The following SUCO variants were observed in gnomAD, a reference collection of about 807,000 sequenced individuals.
SUCO encodes the protein SUN domain containing ossification factor.
Under a neutral mutation model 148.1 loss-of-function variants are expected in SUCO, and 57 were observed. The ratio of observed to expected loss-of-function variants is 0.38; its 90% CI spans 0.31 to 0.48. The LOEUF is 0.48. Ranked by LOEUF, SUCO falls within the 20% of genes least tolerant of loss-of-function variation. SUCO has a pLI of 0.96. For synonymous variants in SUCO, 470 were observed against 502.7 expected (o/e 0.93, Z 0.87); for missense variants, 1,331 against 1,468.2 (o/e 0.91, Z 1.53).
intron 3 of SUCO, among the ~76,000 whole-genome samples, chr1:172,554,535 G>A (rs936441800): frequency 2.0e-5 from 3 of 152,024 alleles, no homozygotes; most frequent in African/African-American, 7.2e-5. Context: ...TCAGGAGTTC[G>A]AGACCAGCCT....
intron 3 of SUCO, among the ~76,000 whole-genome samples, chr1:172,555,623 G>A (rs1653685636): frequency 6.6e-6 from 1 of 152,166 alleles, no homozygotes; most frequent in African/African-American, 2.4e-5. Flanking sequence ...TAGGAAATAG[G>A]TAGGGAGAAA....
rs1276797755 is a variant in SUCO at position 172,611,385 on chromosome 1, G to T, written c.*1126G>T. The stretch of plus-strand genomic sequence containing the variant: ...TTTGAATAAAATGATTTCTTAGTAT[G>T]ATTGTACAGTAATGAATGAAAGTGG... On this transcript the variant is annotated 3_prime_UTR_variant, in exon 24 of 24. Transcript: ENST00000263688. The T allele has an allele frequency of 6.6e-6, 1 of 152,530 alleles. No homozygotes were observed. The highest frequency in any genetic ancestry group is 1.5e-5 in the Non-Finnish European group (1 of 68,020). 9.4% of individuals were successfully genotyped at this position (152,530 alleles called of 1,614,324 possible).
chr1:172,553,239 T>TTTG (rs766194690), intron 2 of SUCO, 21 bp from the exon 3 acceptor site: 2 of 1,537,250 alleles, frequency 1.3e-6, no homozygotes, highest in Non-Finnish European at 1.8e-6. Context: ...TCAGGTGATT[T>TTTG]TTGTTGTTGT....
chr1:172,596,924 G>A (rs913714383), intron 19 of SUCO, among the ~76,000 whole-genome samples: 4 of 152,212 alleles, frequency 2.6e-5, no homozygotes, highest in Non-Finnish European at 4.4e-5. Context: ...CTTGAGCTGC[G>A]CTGGGCTCCA....
chr1:172,590,809 A>T (rs1656598316), intron 18 of SUCO, among the ~76,000 whole-genome samples, 175 bp from the exon 19 acceptor site: 1 of 152,184 alleles, frequency 6.6e-6, no homozygotes, highest in Non-Finnish European at 1.5e-5. Context: ...GAACCACAGA[A>T]ATTACTAAAT....
intron 1 of SUCO, among the ~76,000 whole-genome samples, chr1:172,534,296 C>T (rs1418284790): frequency 2.0e-5 from 3 of 152,162 alleles, no homozygotes; most frequent in Non-Finnish European, 4.4e-5. Context: ...TGTCACCGTA[C>T]TTGGAAAAGC....
intron 18 of SUCO, 42 bp from the exon 19 acceptor site, chr1:172,590,942 G>A (rs1187081292): frequency 1.4e-6 from 2 of 1,398,974 alleles, no homozygotes; most frequent in African/African-American, 2.9e-5. Flanking sequence ...AGTGGAATAA[G>A]TAAGAAATTA....
At chr1:172,580,911 G>C (rs941929682) in intron 15 of SUCO, among the ~76,000 whole-genome samples, 1 of 152,106 alleles carries the variant, frequency 6.6e-6, no homozygotes, top group African/African-American at 2.4e-5. Context: ...AGACCAGCCT[G>C]GCCAACATGG....
At chr1:172,555,729 AT>A in intron 3 of SUCO, 139 bp from the exon 4 acceptor site, 1 of 701,720 alleles carries the variant, frequency 1.4e-6, no homozygotes, top group Non-Finnish European at 2.1e-6. Flanking sequence ...GGAAGAAAGG[AT>A]TTTTATAAAA....
At chr1:172,535,855 C>T (rs1370736645) in intron 1 of SUCO, among the ~76,000 whole-genome samples, 1 of 151,952 alleles carries the variant, frequency 6.6e-6, no homozygotes. Flanking sequence ...GATTATGTCT[C>T]CCCTCTGCTT....
chr1:172,598,323 A>G (rs1378921275), intron 19 of SUCO, among the ~76,000 whole-genome samples: 1 of 152,188 alleles, frequency 6.6e-6, no homozygotes, highest in Non-Finnish European at 1.5e-5. Context: ...TTAAGGTAAT[A>G]ACACAATGTT....
chr1:172,603,391 A>G (rs1381144339), intron 22 of SUCO, among the ~76,000 whole-genome samples: 2 of 152,086 alleles, frequency 1.3e-5, no homozygotes, highest in African/African-American at 4.8e-5. Context: ...TAACTAAATT[A>G]ATTACATATT....
At chr1:172,532,459 C>T (rs767897236), upstream of SUCO, 14 of 1,595,496 alleles carry the variant, frequency 8.8e-6, no homozygotes, top group African/African-American at 8.1e-5. Context: ...AGGTTTTCCG[C>T]TGCAACCAAT....
chr1:172,577,386 T>G (rs1465759572), intron 11 of SUCO, among the ~76,000 whole-genome samples, 153 bp from the exon 12 acceptor site: 1 of 151,766 alleles, frequency 6.6e-6, no homozygotes, highest in Non-Finnish European at 1.5e-5. Flanking sequence ...CTTTTATTTC[T>G]GCAAGGAATT....
At chr1:172,586,732 A>T (rs955255032) in intron 17 of SUCO, among the ~76,000 whole-genome samples, 4 of 152,172 alleles carry the variant, frequency 2.6e-5, no homozygotes, top group African/African-American at 9.6e-5. Context: ...GATAGTATGT[A>T]ATGAGACCTG....
chr1:172,588,933 C>T lies in SUCO; in HGVS notation c.1832C>T (p.Ser611Leu), dbSNP rs747520638. 6.2e-7 allele frequency: 1 copy of T among 1,611,950 alleles called. No homozygotes were observed. Among genetic ancestry groups the T allele is most frequent in the South Asian group, 1.1e-5 (1 of 90,724 alleles). ...GATGAATCATCACCCTGGTTTGAGTCAGAGACACAAATATTTTGCAGTGAA... is the reference window on the plus strand; with the variant it reads ...GATGAATCATCACCCTGGTTTGAGTTAGAGACACAAATATTTTGCAGTGAA... ...QEDESSPWFE[S>L]ETQIFCSELT... is the part of the protein sequence containing the mutation. Residue 611 changes from serine (S) to leucine (L), a missense_variant, in exon 18 of 24, where the codon TCA (serine) becomes TTA (leucine). Physicochemically the swap from Ser to Leu is moderately radical, Grantham distance 145. Around this residue, in one of 3 missense-constraint regions of SUCO, gnomAD observed 992 missense variants for 1,093.5 expected, o/e 0.91. Transcript: ENST00000263688.
chr1:172,556,003 C>G lies in SUCO; in HGVS notation c.423C>G (p.Ile141Met), dbSNP rs1653729711. ...ENISSSSTSE[I>M]TPISKLDEIE... Reference sequence around the variant, plus strand: ...TTTCCAGCTCATCTACCTCAGAAATCACTCCAATCTCAAAGCTTGAGTAAG... The same window carrying G: ...TTTCCAGCTCATCTACCTCAGAAATGACTCCAATCTCAAAGCTTGAGTAAG... Residue 141 changes from isoleucine to methionine, a missense_variant, in exon 4 of 24, where the codon ATC (isoleucine) becomes ATG (methionine). Ile to Met is a conservative substitution (Grantham distance 10). Transcript: ENST00000263688. The G allele has an allele frequency of 6.2e-7, 1 of 1,612,486 alleles. No individual in the cohort carries two copies. Among genetic ancestry groups the G allele is most frequent in the East Asian group, 2.2e-5 (1 of 44,844 alleles).
intron 20 of SUCO, 116 bp from the exon 21 acceptor site, chr1:172,601,948 C>A: frequency 1.9e-6 from 2 of 1,056,944 alleles, no homozygotes; most frequent in Non-Finnish European, 2.6e-6. Flanking sequence ...CATTTCTGGT[C>A]TTTGAAGCAC....
At chr1:172,542,697 G>A (rs1558170365) in intron 1 of SUCO, 5 of 984,424 alleles carry the variant, frequency 5.1e-6, no homozygotes, top group Non-Finnish European at 6.0e-6. Context: ...CTGGTCTCTG[G>A]TGCCAAAAGG....
Sources: allele counts gnomAD v4.1 joint callset (sites outside exome capture counted in the v4.1 genomes callset), GRCh38; gene constraint gnomAD v4.1.1; regional missense constraint gnomAD v4.1.1; transcripts MANE v1.5; gene names NCBI Gene and HGNC (gene_info 2026-07-23, HGNC 2026-07-21).